AKAP9: variants seen among roughly 807,000 people sequenced by gnomAD.
The protein encoded by AKAP9 is A-kinase anchoring protein 9.
In AKAP9, 311 loss-of-function variants were observed where a neutral mutation model predicts 488.5. The observed-to-expected ratio is 0.64, with a 90% CI of 0.58 to 0.70. The LOEUF (loss-of-function observed/expected upper bound fraction) is 0.70. AKAP9 is among the 30% of genes least tolerant of loss of function. The pLI, the probability that AKAP9 is intolerant of heterozygous loss-of-function variation, is 0.00. For synonymous variants in AKAP9, 1,462 were observed against 1,483.5 expected (o/e 0.99, Z 0.33); for missense variants, 4,215 against 4,374.5 (o/e 0.96, Z 1.03).
At chr7:91,950,227 C>CTTTT (rs1363169233) in intron 1 of AKAP9, among the ~76,000 whole-genome samples, 2 of 133,382 alleles carry the variant, frequency 1.5e-5, no homozygotes, top group African/African-American at 2.8e-5. Flanking sequence ...CAGGGTCTCA[C>CTTTT]TTTTTTTTTT....
At chr7:91,974,186 C>A (rs1240852966) in intron 2 of AKAP9, among the ~76,000 whole-genome samples, 1 of 152,078 alleles carries the variant, frequency 6.6e-6, no homozygotes, top group African/African-American at 2.4e-5. Flanking sequence ...CTGCAGTACA[C>A]CAAAGACTGA....
intron 44 of AKAP9, 105 bp downstream of exon 44, chr7:92,099,974 C>A: frequency 9.1e-7 from 1 of 1,102,416 alleles, no homozygotes; most frequent in Non-Finnish European, 1.4e-6. Flanking sequence ...TATCACACAC[C>A]TGATTCTTAG....
intron 26 of AKAP9, among the ~76,000 whole-genome samples, chr7:92,067,700 C>T (rs1025269227): frequency 2.6e-5 from 4 of 152,174 alleles, no homozygotes; most frequent in Admixed American, 2.0e-4. Context: ...AGAGGATTCA[C>T]TGTATGAATA....
chr7:91,954,435 C>A (rs1291778849), intron 1 of AKAP9, among the ~76,000 whole-genome samples: 1 of 152,166 alleles, frequency 6.6e-6, no homozygotes, highest in East Asian at 1.9e-4. Context: ...CAGGTACACA[C>A]CACCATGCCC....
intron 8 of AKAP9, among the ~76,000 whole-genome samples, chr7:92,009,745 T>C (rs1017462259): frequency 2.4e-4 from 36 of 152,322 alleles, no homozygotes; most frequent in African/African-American, 7.9e-4. Flanking sequence ...TATGAGTGGC[T>C]GTAGAAATCT....
intron 17 of AKAP9, among the ~76,000 whole-genome samples, chr7:92,039,470 G>T (rs1277018808): frequency 1.3e-5 from 2 of 152,036 alleles, no homozygotes; most frequent in Non-Finnish European, 2.9e-5. Context: ...TACCTATTTA[G>T]GAAGACTAAA....
chr7:92,083,301 C>A lies in AKAP9; in HGVS notation c.8292C>A (p.Ala2764=), dbSNP rs749354052. The change falls in exon 33 of 50, where the codon GCC becomes GCA. Residue 2764 remains alanine, a synonymous_variant. Coordinates refer to ENST00000356239, the MANE Select transcript of AKAP9 (RefSeq NM_005751.5). ...DETEVQESKK[A]CMFEPLPIKL... is the part of the protein sequence containing the mutation. ...CTGAGGTACAAGAAAGCAAAAAGGC[C>A]TGCATGTTTGAGCCACTTCCTATAA... is the stretch of plus-strand genomic sequence containing the variant. 2 of 1,614,028 alleles carry A rather than the reference C, an allele frequency of 1.2e-6. No homozygotes were observed. Among genetic ancestry groups the A allele is most frequent in the African/African-American group, 1.3e-5 (1 of 75,044 alleles).
intron 14 of AKAP9, among the ~76,000 whole-genome samples, chr7:92,029,419 T>A (rs2130751689): frequency 6.6e-6 from 1 of 152,334 alleles, no homozygotes; most frequent in South Asian, 2.1e-4. Context: ...TTAAAAGAAG[T>A]TTCTCATAAA....
rs1041568997 is a variant in AKAP9 at position 91,996,283 on chromosome 7, G to A, written c.930+483G>A. On this transcript the variant is annotated intron_variant, in intron 7 of 49. Transcript: ENST00000356239. ...GGATTGTTGGGAGGAATATGTGTCCGTGTATGGGTGCGTATATTTTACATA... is the reference window on the plus strand; with the variant it reads ...GGATTGTTGGGAGGAATATGTGTCCATGTATGGGTGCGTATATTTTACATA... 3.3e-4 allele frequency among the ~76,000 whole-genome samples: 50 copies of A among 152,124 alleles called. 1 individual carries two copies. Among genetic ancestry groups the A allele is most frequent in the African/African-American group, 1.1e-3 (47 of 41,416 alleles).
In AKAP9 at chr7:91,965,437, TG is replaced by T. The variant is rs1794321646; in HGVS notation, c.49-8271del. On this transcript the variant is annotated intron_variant, in intron 1 of 49. Transcript: ENST00000356239. Reference sequence around the variant, plus strand: ...TTTTCTTTATCCGTTTATCAATTGATGGGCACTTAAGCTAATTTCATATTTT... The same window carrying T: ...TTTTCTTTATCCGTTTATCAATTGATGGCACTTAAGCTAATTTCATATTTT... Among the ~76,000 whole-genome samples the T allele has an allele frequency of 1.3e-5, 2 of 152,212 alleles. 1 individual carries two copies. Among genetic ancestry groups the T allele is most frequent in the Non-Finnish European group, 2.9e-5 (2 of 68,044 alleles).
chr7:92,089,595 C>CTTA (rs756997575), intron 38 of AKAP9, 66 bp downstream of exon 38: 1 of 1,498,980 alleles, frequency 6.7e-7, no homozygotes, highest in South Asian at 1.2e-5. Flanking sequence ...TGTTTTCTTT[C>CTTA]TTATTATTAT....
intron 1 of AKAP9, among the ~76,000 whole-genome samples, chr7:91,956,804 T>G (rs1318909512): frequency 6.6e-6 from 1 of 152,194 alleles, no homozygotes; most frequent in Non-Finnish European, 1.5e-5. Context: ...TAGATTTAAT[T>G]TCTTACACTG....
chr7:92,061,528 AC>A, intron 23 of AKAP9, 106 bp downstream of exon 23: 1 of 1,244,572 alleles, frequency 8.0e-7, no homozygotes, highest in African/African-American at 1.5e-5. Flanking sequence ...ATTTAGAATG[AC>A]CATTAAAAAG....
In AKAP9 at chr7:92,097,737, A is replaced by G. The variant is rs779726160; in HGVS notation, c.10550A>G (p.Gln3517Arg). 6.2e-7 allele frequency: 1 copy of G among 1,614,212 alleles called. No individual in the cohort carries two copies. Among genetic ancestry groups the G allele is most frequent in the Non-Finnish European group, 8.5e-7 (1 of 1,180,034 alleles). ...GCNHELEMIR[Q>R]KLQCVASKLQ... ...AATCATGAATTAGAAATGATCAGACAAAAGCTTCAATGTGTAGCTTCAAAA... is the reference window on the plus strand; with the variant it reads ...AATCATGAATTAGAAATGATCAGACGAAAGCTTCAATGTGTAGCTTCAAAA... Residue 3517 changes from glutamine (Q) to arginine (R), a missense_variant, in exon 42 of 50, where the codon CAA becomes CGA. Physicochemically the swap from Gln to Arg is conservative, Grantham distance 43. This residue lies in a region of AKAP9 where 1,476 missense variants were observed against 1,477.4 expected (regional missense o/e 1.00). Transcript: ENST00000356239.
chr7:91,974,465 T>A (rs1200782852), intron 2 of AKAP9, among the ~76,000 whole-genome samples: 1 of 152,236 alleles, frequency 6.6e-6, no homozygotes. Context: ...TGTAGATCTG[T>A]ATGTTTAGCC....
rs376010972 is a variant in AKAP9 at position 91,992,950 on chromosome 7, A to G, written c.471A>G (p.Leu157=). The change falls in exon 5 of 50, where the codon CTA becomes CTG. Residue 157 remains leucine (L), a synonymous_variant. Transcript: ENST00000356239. ...GAGCACAAGACAGTCCGACTCATCT[A>G]GAGATGATGGAAAGTGAGTTGGCTG... ...EQGAQDSPTH[L]EMMESELAGK... 1.2e-6 allele frequency: 2 copies of G among 1,614,068 alleles called. No individual in the cohort carries two copies. Among genetic ancestry groups the G allele is most frequent in the Middle Eastern group, 1.6e-4 (1 of 6,062 alleles).
chr7:91,961,604 G>T (rs1305384701), intron 1 of AKAP9, among the ~76,000 whole-genome samples: 1 of 151,934 alleles, frequency 6.6e-6, no homozygotes, highest in Admixed American at 6.6e-5. Flanking sequence ...CAGCACTTTG[G>T]GAGGCCTAGG....
intron 3 of AKAP9, among the ~76,000 whole-genome samples, chr7:91,988,297 CAAAAAAAAAAAAAAAA>C (rs5885797): frequency 1.1e-4 from 6 of 53,656 alleles, no homozygotes; most frequent in Non-Finnish European, 1.8e-4. Flanking sequence ...GACCCCCTCT[CAAAAAAAAAAAAAAAA>C]AAAAAAAAAA....
chr7:92,027,321 ACC>A (rs1803417283), intron 14 of AKAP9, among the ~76,000 whole-genome samples: 1 of 47,690 alleles, frequency 2.1e-5, no homozygotes. Flanking sequence ...CCCGGCCGCC[ACC>A]CCGTCTAGGA....
Sources: gnomAD v4.1 joint callset for allele counts (sites outside exome capture counted in the v4.1 genomes callset) on GRCh38, gnomAD v4.1.1 for gene constraint, gnomAD v4.1.1 regional missense constraint, MANE v1.5 for transcripts, NCBI Gene and HGNC (gene_info 2026-07-23, HGNC 2026-07-21) for gene names.